NDEL1: variants seen among roughly 807,000 people sequenced by gnomAD.
NDEL1 encodes the protein nuclear distribution protein nudE-like 1.
A neutral mutation model predicts 45.7 loss-of-function variants in NDEL1; 9 were observed. That is an observed-to-expected ratio of 0.20 (90% CI 0.12 to 0.34). NDEL1 has a LOEUF of 0.34. Ranked by LOEUF, NDEL1 falls within the 10% of genes least tolerant of loss-of-function variation. The probability of loss-of-function intolerance (pLI) is 1.00; values close to 1 mark genes in which losing one functional copy is unlikely to be tolerated. For synonymous variants in NDEL1, 133 were observed against 158.6 expected (o/e 0.84, Z 1.21); for missense variants, 306 against 406.2 (o/e 0.75, Z 2.12).
At chr17:8,472,784 A>G (rs1911886987), downstream of NDEL1, among the ~76,000 whole-genome samples, 1 of 152,256 alleles carries the variant, frequency 6.6e-6, no homozygotes, top group Admixed American at 6.5e-5. Context: ...TGGCAAGGGC[A>G]GAGCGCTTAT....
rs1445630990 is a variant in NDEL1, at chr17:8,465,912, T to G, written c.945-1018T>G. 1 of 152,392 alleles carries G rather than the reference T, an allele frequency of 6.6e-6. No homozygotes were observed. The highest frequency in any genetic ancestry group is 2.4e-5 in the African/African-American group (1 of 41,296). 9.4% of individuals were successfully genotyped at this position (152,392 alleles called of 1,614,324 possible). The stretch of plus-strand genomic sequence containing the variant: ...TGCGCTGCATGGTGCGTGAGGGGGA[T>G]GCTTGGGGGGCTCCCTGCATCGCTG... On this transcript the variant is annotated intron_variant, in intron 8 of 8. Transcript: ENST00000334527. This position sits in a 1 kb window ranked among gnomAD's most constrained non-coding sequence, Gnocchi z 4.9.
intron 1 of NDEL1, 162 bp downstream of exon 1, chr17:8,436,207 A>G (rs1039429212): frequency 4.3e-6 from 1 of 233,158 alleles, no homozygotes; most frequent in South Asian, 4.0e-5. Flanking sequence ...AACTGTTCCA[A>G]CCGCTCTAAC....
At chr17:8,446,610 G>C (rs370990529) in intron 3 of NDEL1, 144 bp from the exon 4 acceptor site, 2 of 718,052 alleles carry the variant, frequency 2.8e-6, no homozygotes, top group African/African-American at 3.5e-5. Flanking sequence ...GAATGAATGT[G>C]TCATTTAGTT....
Position 8,459,952 on chromosome 17 carries a change from ATTT to A in NDEL1, c.793-54_793-52del. ...GAAATAGAAATGGTTTGAAATGCAA[ATTT>A]TTATGTGCAGCTACTGTTTTGACAA... On this transcript the variant is annotated intron_variant, in intron 7 of 8. Transcript: ENST00000334527. The A allele has an allele frequency of 1.9e-6, 3 of 1,547,340 alleles. No individual in the cohort carries two copies. The East Asian group carries it at 6.8e-5, about 35-fold the overall frequency.
At chr17:8,444,205 G>A (rs1057316381) in intron 1 of NDEL1, 55 bp from the exon 2 acceptor site, 4 of 1,123,900 alleles carry the variant, frequency 3.6e-6, no homozygotes, top group Non-Finnish European at 5.4e-6. Context: ...TTTTATGCTT[G>A]TGCTTAGATT....
At chr17:8,464,632 T>TTATA (rs1468893580) in intron 8 of NDEL1, 1 of 152,218 alleles carries the variant, frequency 6.6e-6, no homozygotes, top group Non-Finnish European at 1.5e-5. Flanking sequence ...GGTTCTCTCT[T>TTATA]TATAGTCTGG....
chr17:8,419,870 A>G (rs1359638679), intron 1 of NDEL1, among the ~76,000 whole-genome samples: 3 of 152,184 alleles, frequency 2.0e-5, no homozygotes, highest in Non-Finnish European at 2.9e-5. Flanking sequence ...CATCACAGTG[A>G]AACTGACGAG....
At chr17:8,435,771 C>T, upstream of NDEL1, 10 of 363,184 alleles carry the variant, frequency 2.8e-5, no homozygotes, top group South Asian at 1.9e-4. Context: ...CGGGCTCTGG[C>T]CCGCCCCCTG....
intron 1 of NDEL1, among the ~76,000 whole-genome samples, chr17:8,415,662 C>T (rs1455432572): frequency 6.6e-6 from 1 of 152,128 alleles, no homozygotes; most frequent in Non-Finnish European, 1.5e-5. Context: ...TCTGGAACTC[C>T]TGGGCTCTTG....
intron 8 of NDEL1, among the ~76,000 whole-genome samples, chr17:8,463,641 CAG>C (rs1017399942): frequency 2.6e-5 from 4 of 152,238 alleles, no homozygotes; most frequent in African/African-American, 7.2e-5. Flanking sequence ...GTGTTGATTT[CAG>C]AGTCTGGCGA....
chr17:8,442,482 T>C (rs1909801636), intron 1 of NDEL1, among the ~76,000 whole-genome samples: 3 of 152,168 alleles, frequency 2.0e-5, no homozygotes, highest in Admixed American at 2.0e-4. Context: ...AGTGGCACAA[T>C]CATGGCTCAC....
At chr17:8,468,517 ATGT>A (rs1168294238), downstream of NDEL1, among the ~76,000 whole-genome samples, 1 of 152,188 alleles carries the variant, frequency 6.6e-6, no homozygotes, top group Non-Finnish European at 1.5e-5. Flanking sequence ...TTCATGACAG[ATGT>A]TGTCATTCTG....
In NDEL1 at chr17:8,450,810, G is replaced by A. The variant is rs1377089453; in HGVS notation, c.557G>A (p.Arg186Lys). 1 of 1,611,030 alleles carries A rather than the reference G, an allele frequency of 6.2e-7. No homozygotes were observed. Among genetic ancestry groups the A allele is most frequent in the Non-Finnish European group, 8.5e-7 (1 of 1,178,934 alleles). Reference protein sequence around the residue: ...DLRQELAVRERQQEVTRKSAP... With the variant: ...DLRQELAVREKQQEVTRKSAP... ...AGGCAAGAACTAGCAGTTCGGGAAA[G>A]ACAACAGGAAGTAACTAGAAAGTCG... Residue 186 changes from arginine (R) to lysine (K), a missense_variant, in exon 6 of 9, where the codon AGA becomes AAA. Arg to Lys is a conservative substitution (Grantham distance 26, BLOSUM62 2). Coordinates refer to ENST00000334527, the MANE Select transcript of NDEL1 (RefSeq NM_030808.5).
intron 3 of NDEL1, among the ~76,000 whole-genome samples, chr17:8,473,175 C>T (rs1567750154): frequency 1.3e-5 from 2 of 152,016 alleles, no homozygotes; most frequent in East Asian, 3.9e-4. Flanking sequence ...TTAGATCAGC[C>T]AGTAGGGAAG....
At chr17:8,463,431 T>C in intron 8 of NDEL1, 1 of 1,421,292 alleles carries the variant, frequency 7.0e-7, no homozygotes, top group Non-Finnish European at 9.9e-7. Context: ...ATTAACAATC[T>C]GGTTTTACTA....
intron 1 of NDEL1, among the ~76,000 whole-genome samples, chr17:8,426,600 G>A (rs185693010): frequency 1.3e-5 from 2 of 152,262 alleles, no homozygotes; most frequent in East Asian, 1.9e-4. Context: ...TGCCTGTCAC[G>A]TGGTCGGGAT....
chr17:8,419,403 T>C (rs944588696), intron 1 of NDEL1, among the ~76,000 whole-genome samples: 74 of 152,352 alleles, frequency 4.9e-4, no homozygotes, highest in African/African-American at 1.7e-3. Flanking sequence ...TCTGAGCATA[T>C]ACTTATAAAA....
At position 8,460,084 on chromosome 17, in the gene NDEL1, A is replaced by C; in HGVS notation, c.868A>C (p.Asn290His). 6.2e-7 allele frequency: 1 copy of C among 1,614,164 alleles called. No homozygotes were observed. Among genetic ancestry groups the C allele is most frequent in the Non-Finnish European group, 8.5e-7 (1 of 1,180,028 alleles). ...QASRKSYISG[N>H]VNCGVLNGNG... ...ATCACGAAAATCCTATATTTCAGGG[A>C]ATGTTAACTGTGGGGTGCTGAATGG... Residue 290 changes from asparagine to histidine, a missense_variant, in exon 8 of 9, where the codon AAT (asparagine) becomes CAT (histidine). By Grantham distance (68) the Asn-to-His change is moderately conservative (BLOSUM62 1). This residue lies in a region of NDEL1 where 175 missense variants were observed against 205.2 expected (regional missense o/e 0.85). Coordinates refer to ENST00000334527, the MANE Select transcript of NDEL1 (RefSeq NM_030808.5).
chr17:8,453,527 C>T (rs562842560), intron 6 of NDEL1, among the ~76,000 whole-genome samples: 10 of 152,188 alleles, frequency 6.6e-5, no homozygotes, highest in South Asian at 2.1e-4. Flanking sequence ...GCTCAAGAGC[C>T]GTTAATCATG....
Sources: allele counts gnomAD v4.1 joint callset (sites outside exome capture counted in the v4.1 genomes callset), GRCh38; gene constraint gnomAD v4.1.1; regional missense constraint gnomAD v4.1.1; non-coding constraint Gnocchi (gnomAD v3.1); transcripts MANE v1.5; gene names NCBI Gene and HGNC (gene_info 2026-07-23, HGNC 2026-07-21).